The following GABBR2 variants were observed in gnomAD, a reference collection of about 807,000 sequenced individuals.
GABBR2 encodes G-protein coupled receptor 51.
Under a neutral mutation model 105.6 loss-of-function variants are expected in GABBR2, and 23 were observed. The ratio of observed to expected loss-of-function variants is 0.22; its 90% CI spans 0.16 to 0.31. GABBR2 has a LOEUF of 0.31. Among genes scored for constraint, GABBR2 ranks in the 10% least tolerant of loss-of-function variants. The probability of loss-of-function intolerance (pLI) is 1.00; values close to 1 mark genes in which losing one functional copy is unlikely to be tolerated. For missense variants in GABBR2, 734 were observed against 1,245.5 expected, an observed-to-expected ratio of 0.59 and a Z score of 6.18; for synonymous variants, 478 against 499.7, an observed-to-expected ratio of 0.96 and a Z score of 0.58.
intron 7 of GABBR2, among the ~76,000 whole-genome samples, chr9:98,433,702 C>T (rs1408684251): frequency 1.3e-5 from 2 of 152,130 alleles, no homozygotes; most frequent in Non-Finnish European, 2.9e-5. Context: ...TTCTTTCCTT[C>T]CCTGCCTGAT....
intron 13 of GABBR2, among the ~76,000 whole-genome samples, chr9:98,340,660 T>C (rs945203406): frequency 6.6e-6 from 1 of 152,194 alleles, no homozygotes; most frequent in Non-Finnish European, 1.5e-5. Context: ...TCATCAGACA[T>C]GCAGTACGTA....
intron 4 of GABBR2, among the ~76,000 whole-genome samples, chr9:98,481,744 A>G (rs946531324): frequency 2.6e-4 from 40 of 152,342 alleles, no homozygotes; most frequent in African/African-American, 9.1e-4. Flanking sequence ...AGTGCTTAAC[A>G]CAGTGCCTAG....
chr9:98,413,190 G>T (rs1289404300), intron 7 of GABBR2, among the ~76,000 whole-genome samples: 1 of 152,174 alleles, frequency 6.6e-6, no homozygotes, highest in East Asian at 1.9e-4. Flanking sequence ...CTGTGTGAGG[G>T]ATCCAAGCCC....
intron 1 of GABBR2, among the ~76,000 whole-genome samples, chr9:98,659,981 G>T (rs938994092): frequency 3.3e-5 from 5 of 152,012 alleles, no homozygotes; most frequent in South Asian, 2.1e-4. Flanking sequence ...TATCCTTTAA[G>T]ACATTTTATA....
intron 1 of GABBR2, among the ~76,000 whole-genome samples, chr9:98,648,080 G>GGGGTGT (rs1554723461): frequency 5.9e-5 from 4 of 67,978 alleles, no homozygotes; most frequent in South Asian, 6.0e-4. Flanking sequence ...AATCATACAG[G>GGGGTGT]GTGTGTGTGT....
chr9:98,317,260 T>C (rs1458117284), intron 13 of GABBR2, among the ~76,000 whole-genome samples: 2 of 152,234 alleles, frequency 1.3e-5, no homozygotes, highest in Non-Finnish European at 2.9e-5. Flanking sequence ...ACCTGACTTC[T>C]GGTCAGGCTG....
At chr9:98,464,549 G>A (rs1255307674) in intron 6 of GABBR2, among the ~76,000 whole-genome samples, 7 of 150,420 alleles carry the variant, frequency 4.7e-5, no homozygotes, top group South Asian at 4.2e-4. Context: ...CTGCCCGGCC[G>A]CCCTGTCTGG....
intron 2 of GABBR2, among the ~76,000 whole-genome samples, chr9:98,553,041 AT>A (rs1242145121): frequency 1.3e-5 from 2 of 151,278 alleles, no homozygotes; most frequent in Admixed American, 6.6e-5. Context: ...ATGCCTGGCT[AT>A]TTTTTTTATT....
chr9:98,552,095 G>A (rs1828497055), intron 2 of GABBR2: 1 of 152,176 alleles, frequency 6.6e-6, no homozygotes, highest in Admixed American at 6.5e-5. Flanking sequence ...GGATCTTTAT[G>A]ACATTCCAAG....
At chr9:98,540,745 G>C (rs1291511142) in intron 3 of GABBR2, among the ~76,000 whole-genome samples, 1 of 152,192 alleles carries the variant, frequency 6.6e-6, no homozygotes, top group African/African-American at 2.4e-5. Context: ...GGTTTGTCTT[G>C]TGTTTTTGGA....
chr9:98,514,974 G>A (rs1827729291), intron 3 of GABBR2, among the ~76,000 whole-genome samples: 1 of 152,092 alleles, frequency 6.6e-6, no homozygotes, highest in African/African-American at 2.4e-5. Context: ...CGTGGCACCT[G>A]GGCCTCAGGG....
At chr9:98,580,800 T>C (rs1588237558) in intron 1 of GABBR2, among the ~76,000 whole-genome samples, 2 of 152,116 alleles carry the variant, frequency 1.3e-5, no homozygotes, top group African/African-American at 4.8e-5. Context: ...AACAAACAAA[T>C]CTGTTGGACA....
At chr9:98,565,672 G>C (rs751034188) in intron 2 of GABBR2, among the ~76,000 whole-genome samples, 28 of 152,134 alleles carry the variant, frequency 1.8e-4, no homozygotes, top group Admixed American at 3.3e-4. Context: ...GAAGAAGGAA[G>C]GCAATGCACC....
chr9:98,675,292 G>A (rs1012143906), intron 1 of GABBR2, among the ~76,000 whole-genome samples: 6 of 152,212 alleles, frequency 3.9e-5, no homozygotes, highest in African/African-American at 1.4e-4. Flanking sequence ...GAGGCTTGAA[G>A]GAGGAGGAAC....
intron 8 of GABBR2, among the ~76,000 whole-genome samples, chr9:98,396,320 C>T (rs76604708): frequency 0.01 from 1,562 of 152,344 alleles, 30 homozygotes; most frequent in African/African-American, 0.035. Context: ...TTCCAAGGCA[C>T]ACCCTGAGGA....
intron 1 of GABBR2, chr9:98,608,100 T>C (rs563068609): frequency 6.1e-6 from 8 of 1,309,144 alleles, no homozygotes; most frequent in Non-Finnish European, 8.7e-6. Flanking sequence ...TCGAGAACCT[T>C]GGAAAAGAAC....
chr9:98,354,828 A>T (rs1350077590), intron 13 of GABBR2, among the ~76,000 whole-genome samples: 1 of 152,228 alleles, frequency 6.6e-6, no homozygotes, highest in African/African-American at 2.4e-5. Context: ...TCACTGAAAC[A>T]GCACTTTTAA....
chr9:98,586,924 C>T (rs919940903), intron 1 of GABBR2, among the ~76,000 whole-genome samples: 19 of 152,174 alleles, frequency 1.2e-4, no homozygotes, highest in African/African-American at 2.7e-4. Flanking sequence ...TTTGCATACG[C>T]GCCTCCTTGC....
intron 8 of GABBR2, among the ~76,000 whole-genome samples, chr9:98,403,010 T>A (rs909703754): frequency 6.6e-6 from 1 of 151,942 alleles, no homozygotes; most frequent in Admixed American, 6.6e-5. Flanking sequence ...TAAAAAAACA[T>A]GTAGGCCAGG....
Sources: gnomAD v4.1 joint callset for allele counts (sites outside exome capture counted in the v4.1 genomes callset) on GRCh38, gnomAD v4.1.1 for gene constraint, MANE v1.5 for transcripts, NCBI Gene and HGNC (gene_info 2026-07-23, HGNC 2026-07-21) for gene names.